Variants in GFM2 observed in about 807,000 individuals in gnomAD.
GFM2 encodes the protein GTP dependent ribosome recycling factor mitochondrial 2.
GFM2 carries 72 observed loss-of-function variants against 95.4 expected under a neutral mutation model. That is an observed-to-expected ratio of 0.76 (90% CI 0.62 to 0.92). GFM2 has a LOEUF of 0.92. Among genes scored for constraint, GFM2 ranks in the 40% least tolerant of loss-of-function variants. The pLI is 0.00. For missense variants in GFM2, 825 were observed against 924.1 expected (o/e 0.89, Z 1.39); for synonymous variants, 276 against 317.5 (o/e 0.87, Z 1.39).
chr5:74,753,582 G>A (rs960713181), intron 5 of GFM2, among the ~76,000 whole-genome samples: 1 of 152,056 alleles, frequency 6.6e-6, no homozygotes, highest in Non-Finnish European at 1.5e-5. Flanking sequence ...GGGTGACAGA[G>A]CAAGACTCCA....
chr5:74,759,877 T>C (rs1431240482), intron 3 of GFM2, among the ~76,000 whole-genome samples: 1 of 152,140 alleles, frequency 6.6e-6, no homozygotes, highest in Non-Finnish European at 1.5e-5. Context: ...TATTATACAA[T>C]TTGGAACTTG....
At chr5:74,735,709 A>G (rs1742800182) in intron 15 of GFM2, among the ~76,000 whole-genome samples, 1 of 152,212 alleles carries the variant, frequency 6.6e-6, no homozygotes, top group Non-Finnish European at 1.5e-5. Flanking sequence ...CGGTACCTTC[A>G]GGAAATCACA....
chr5:74,745,912 A>T lies in GFM2; in HGVS notation c.670-55T>A, dbSNP rs550471093. ...ACATGATCACTCACTGAAAACTACA[A>T]TGATGACAAGTCTTTTCTAATTGTA... is the stretch of plus-strand genomic sequence containing the variant. On this transcript the variant is annotated intron_variant, in intron 9 of 20. Transcript: ENST00000296805. The T allele has an allele frequency of 3.7e-5, 52 of 1,409,198 alleles. 1 individual carries two copies. The South Asian group carries it at 5.5e-4, about 15-fold the overall frequency. 87.3% of individuals were successfully genotyped at this position (1,409,198 alleles called of 1,614,324 possible).
intron 12 of GFM2, 42 bp from the exon 13 acceptor site, chr5:74,738,684 C>G (rs752142132): frequency 3.9e-6 from 6 of 1,558,106 alleles, no homozygotes; most frequent in Non-Finnish European, 5.2e-6. Context: ...AAATACACTT[C>G]CCATAACTGC....
Position 74,748,948 on chromosome 5 carries a change from T to TAA in GFM2, c.520-1170_520-1169dup, listed in dbSNP as rs1306405180. On this transcript the variant is annotated intron_variant, in intron 7 of 20. Transcript: ENST00000296805. ...AAAATAAAAAAAATAAAAAATAAAA[T>TAA]AAAATAAAATAAAATAAAGAAACTT... is the stretch of plus-strand genomic sequence containing the variant. 6.2e-3 allele frequency among the ~76,000 whole-genome samples: 851 copies of TAA among 137,754 alleles called. 6 individuals carry two copies. The highest frequency in any genetic ancestry group is 0.01 in the African/African-American group (346 of 33,852). The allele number at this position is 137,754 out of a possible 152,430, so 90.4% of individuals were successfully genotyped here.
intron 4 of GFM2, 72 bp downstream of exon 4, chr5:74,759,297 T>C: frequency 1.2e-6 from 1 of 856,364 alleles, no homozygotes; most frequent in East Asian, 2.5e-5. Context: ...GCATTCACTC[T>C]TGTCCATCAG....
intron 5 of GFM2, among the ~76,000 whole-genome samples, chr5:74,757,850 C>A (rs957920557): frequency 4.7e-5 from 7 of 150,504 alleles, no homozygotes; most frequent in Admixed American, 4.6e-4. Flanking sequence ...CATAGAAAGA[C>A]AAATACTTAC....
chr5:74,763,620 T>C (rs1744394804), intron 2 of GFM2, 60 bp downstream of exon 2: 4 of 947,674 alleles, frequency 4.2e-6, no homozygotes, highest in Non-Finnish European at 6.9e-6. Flanking sequence ...TACTGGGCAT[T>C]TTAGGCAGTA....
chr5:74,721,599 T>A lies in GFM2; in HGVS notation c.*56A>T, dbSNP rs1749881051. On this transcript the variant is annotated 3_prime_UTR_variant, in exon 21 of 21. Transcript: ENST00000296805. ...ATAAATAAAGCAATAAAAATTGTTCTTACTGAAAATGAAGTAGCTAGGTGC... is the reference window on the plus strand; with the variant it reads ...ATAAATAAAGCAATAAAAATTGTTCATACTGAAAATGAAGTAGCTAGGTGC... 6.4e-7 allele frequency: 1 copy of A among 1,558,052 alleles called. No homozygotes were observed.
intron 17 of GFM2, among the ~76,000 whole-genome samples, chr5:74,728,826 A>G (rs572644220): frequency 8.1e-4 from 104 of 128,012 alleles, no homozygotes; most frequent in African/African-American, 3.0e-3. Context: ...GCACGATCTC[A>G]GCTCACTGCA....
At chr5:74,743,224 C>T (rs1000736402) in intron 10 of GFM2, among the ~76,000 whole-genome samples, 1 of 152,140 alleles carries the variant, frequency 6.6e-6, no homozygotes, top group Admixed American at 6.5e-5. Flanking sequence ...CATGTGTGTG[C>T]AAATATCTCT....
At chr5:74,744,795 TG>T (rs1743296191) in intron 10 of GFM2, among the ~76,000 whole-genome samples, 1 of 152,108 alleles carries the variant, frequency 6.6e-6, no homozygotes, top group Admixed American at 6.5e-5. Context: ...CCACATTGTT[TG>T]TAACAGCAAA....
intron 5 of GFM2, among the ~76,000 whole-genome samples, chr5:74,758,312 T>C (rs1744102588): frequency 6.6e-6 from 1 of 152,188 alleles, no homozygotes; most frequent in Non-Finnish European, 1.5e-5. Context: ...AAATGAATTA[T>C]ATATATAAGT....
intron 5 of GFM2, among the ~76,000 whole-genome samples, chr5:74,753,727 A>G (rs561193746): frequency 6.6e-6 from 1 of 152,372 alleles, no homozygotes; most frequent in East Asian, 1.9e-4. Flanking sequence ...ATGTGAAATG[A>G]GCAAACCTAA....
At chr5:74,756,186 A>C (rs568376767) in intron 5 of GFM2, among the ~76,000 whole-genome samples, 1 of 152,286 alleles carries the variant, frequency 6.6e-6, no homozygotes, top group Non-Finnish European at 1.5e-5. Flanking sequence ...CCCTCCTCAA[A>C]ATTGGCATAG....
In GFM2 at chr5:74,746,144, G is replaced by C. The variant is rs1743374537; in HGVS notation, c.630C>G (p.Ser210Arg). The change falls in exon 9 of 21, where the codon AGC (serine) becomes AGG (arginine). Residue 210 changes from serine (S) to arginine (R), a missense_variant. Ser to Arg is a moderately radical substitution (Grantham distance 110, BLOSUM62 -1). Coordinates refer to ENST00000296805, the MANE Select transcript of GFM2 (RefSeq NM_032380.5). ...TGASFKYAVE[S>R]IREKLKAKPL... The stretch of plus-strand genomic sequence containing the variant: ...GCTTTGCCTTTAACTTCTCTCTGAT[G>C]CTTTCAACTGCATACTTAAAGCTGT... The C allele has an allele frequency of 6.5e-7, 1 of 1,536,972 alleles. No individual in the cohort carries two copies. The highest frequency in any genetic ancestry group is 1.4e-5 in the African/African-American group (1 of 71,568).
At chr5:74,760,238 C>A (rs1744207801) in intron 3 of GFM2, among the ~76,000 whole-genome samples, 2 of 152,082 alleles carry the variant, frequency 1.3e-5, no homozygotes, top group Non-Finnish European at 2.9e-5. Flanking sequence ...TTCATATTAG[C>A]CAAATTCAGA....
chr5:74,737,982 A>T (rs1310843835), intron 14 of GFM2, among the ~76,000 whole-genome samples: 3 of 152,162 alleles, frequency 2.0e-5, no homozygotes, highest in Non-Finnish European at 4.4e-5. Context: ...TGCAATGCTC[A>T]AGATAGGAAT....
chr5:74,748,890 T>TAAAATAAATA (rs1554040867), intron 7 of GFM2, among the ~76,000 whole-genome samples: 13 of 76,804 alleles, frequency 1.7e-4, no homozygotes, highest in Middle Eastern at 7.7e-3. Flanking sequence ...TAAAATAAAA[T>TAAAATAAATA]AAATAAAATA....
Sources: gnomAD v4.1 joint callset for allele counts (sites outside exome capture counted in the v4.1 genomes callset) on GRCh38, gnomAD v4.1.1 for gene constraint, MANE v1.5 for transcripts, NCBI Gene and HGNC (gene_info 2026-07-23, HGNC 2026-07-21) for gene names.